The following NR6A1 variants were observed in gnomAD, a reference collection of about 807,000 sequenced individuals.
NR6A1 encodes nuclear receptor subfamily 6 group A member 1.
Under a neutral mutation model 59.1 loss-of-function variants are expected in NR6A1, and 7 were observed. That is an observed-to-expected ratio of 0.12 (90% CI 0.07 to 0.22). The LOEUF is 0.22. Among genes scored for constraint, NR6A1 ranks in the 10% least tolerant of loss-of-function variants. The pLI, the probability that NR6A1 is intolerant of heterozygous loss-of-function variation, is 1.00. For synonymous variants in NR6A1, 243 were observed against 236.1 expected, an observed-to-expected ratio of 1.03 and a Z score of -0.27; for missense variants, 468 against 611.6, an observed-to-expected ratio of 0.77 and a Z score of 2.48.
chr9:124,621,984 C>T (rs115523369), intron 2 of NR6A1, among the ~76,000 whole-genome samples: 2,518 of 152,124 alleles, frequency 0.017, 76 homozygotes, highest in East Asian at 0.15. Context: ...GAGGCCGAGG[C>T]GGGCTGATCT....
intron 2 of NR6A1, among the ~76,000 whole-genome samples, chr9:124,635,183 T>C (rs1220465206): frequency 6.6e-6 from 1 of 152,144 alleles, no homozygotes; most frequent in Non-Finnish European, 1.5e-5. Context: ...TCCCTCCCCA[T>C]TAACCCTTGG....
intron 2 of NR6A1, among the ~76,000 whole-genome samples, chr9:124,725,310 T>G (rs1839681075): frequency 6.6e-6 from 1 of 151,714 alleles, no homozygotes; most frequent in South Asian, 2.1e-4. Context: ...AGTCCAGGAA[T>G]CATAGGAAGG....
chr9:124,766,555 C>G (rs1226889931), intron 1 of NR6A1, among the ~76,000 whole-genome samples: 1 of 152,140 alleles, frequency 6.6e-6, no homozygotes, highest in Non-Finnish European at 1.5e-5. Flanking sequence ...TGAAATAAGG[C>G]ACTTTTACTG....
At chr9:124,695,438 G>T (rs999383993) in intron 2 of NR6A1, among the ~76,000 whole-genome samples, 1 of 152,020 alleles carries the variant, frequency 6.6e-6, no homozygotes. Flanking sequence ...ACAGTGATGC[G>T]ATCTCGGCTC....
chr9:124,767,941 T>C (rs369614243), intron 1 of NR6A1, among the ~76,000 whole-genome samples: 67 of 152,362 alleles, frequency 4.4e-4, no homozygotes, highest in African/African-American at 1.6e-3. Context: ...AAATCATTCA[T>C]CTTCCTTTGA....
intron 6 of NR6A1, among the ~76,000 whole-genome samples, chr9:124,536,768 T>C (rs1833279642): frequency 6.6e-6 from 1 of 152,180 alleles, no homozygotes; most frequent in Admixed American, 6.5e-5. Context: ...GTCACTCCTG[T>C]TCAAGTTCTG....
chr9:124,769,795 C>G (rs1038397612), intron 1 of NR6A1, among the ~76,000 whole-genome samples: 4 of 152,226 alleles, frequency 2.6e-5, no homozygotes, highest in African/African-American at 9.6e-5. Flanking sequence ...CCGGCCGGTG[C>G]GAGCACCCTT....
At chr9:124,541,265 C>A (rs1833433087) in intron 4 of NR6A1, among the ~76,000 whole-genome samples, 1 of 151,826 alleles carries the variant, frequency 6.6e-6, no homozygotes, top group Non-Finnish European at 1.5e-5. Flanking sequence ...CAAGGAACTC[C>A]CATAACTCAG....
chr9:124,740,165 T>A (rs1399255930), intron 1 of NR6A1, among the ~76,000 whole-genome samples: 1 of 152,186 alleles, frequency 6.6e-6, no homozygotes, highest in Non-Finnish European at 1.5e-5. Context: ...TCAATTCCTT[T>A]ACACATGCTA....
At chr9:124,670,335 T>C (rs1259197511) in intron 2 of NR6A1, among the ~76,000 whole-genome samples, 2 of 152,130 alleles carry the variant, frequency 1.3e-5, no homozygotes, top group Non-Finnish European at 2.9e-5. Context: ...GAGGCTGCAG[T>C]GGGCTATCAG....
chr9:124,719,747 C>T (rs988632493), intron 2 of NR6A1, among the ~76,000 whole-genome samples: 10 of 152,124 alleles, frequency 6.6e-5, no homozygotes, highest in Middle Eastern at 3.4e-3. Flanking sequence ...GGTGAAACCC[C>T]ACCTCTACAA....
At chr9:124,728,223 G>A (rs1250819317) in intron 2 of NR6A1, among the ~76,000 whole-genome samples, 7 of 151,728 alleles carry the variant, frequency 4.6e-5, no homozygotes, top group Non-Finnish European at 1.0e-4. Context: ...TAGAGACGGG[G>A]TTTCACTGTG....
intron 3 of NR6A1, among the ~76,000 whole-genome samples, chr9:124,545,211 T>C (rs553634305): frequency 2.5e-4 from 38 of 152,342 alleles, no homozygotes; most frequent in African/African-American, 7.0e-4. Context: ...TTCAGTTTAC[T>C]GAAATGAAAA....
chr9:124,538,257 G>A lies in NR6A1; in HGVS notation c.659C>T (p.Pro220Leu), dbSNP rs771499841. Residue 220 changes from proline to leucine, a missense_variant, in exon 6 of 10, where the codon CCT becomes CTT. By Grantham distance (98) the Pro-to-Leu change is moderately conservative (BLOSUM62 -3). Coordinates refer to ENST00000487099, the MANE Select transcript of NR6A1 (RefSeq NM_033334.4). ...FREQYMGMSV[P>L]PHYQYIPHLF... ...GTGCGGTATATATTGGTAATGTGGA[G>A]GCACAGACATTCCCATGTACTGTTC... is the stretch of plus-strand genomic sequence containing the variant. The A allele has an allele frequency of 1.9e-5, 30 of 1,614,068 alleles. No individual in the cohort carries two copies. The highest frequency in any genetic ancestry group is 2.5e-5 in the Non-Finnish European group (29 of 1,180,050).
At chr9:124,551,917 G>C (rs375685545) in intron 3 of NR6A1, among the ~76,000 whole-genome samples, 10 of 152,206 alleles carry the variant, frequency 6.6e-5, no homozygotes, top group African/African-American at 2.4e-4. Context: ...GCACCAACCA[G>C]GAGGTGGCAG....
intron 2 of NR6A1, among the ~76,000 whole-genome samples, chr9:124,627,165 C>T (rs1000314246): frequency 1.7e-4 from 26 of 152,264 alleles, no homozygotes; most frequent in Non-Finnish European, 2.6e-4. Context: ...GACAATGTTT[C>T]CTATTTCTTA....
Position 124,617,321 on chromosome 9 carries a change from G to A in NR6A1, c.143-62751C>T, listed in dbSNP as rs117005392. On this transcript the variant is annotated intron_variant, in intron 2 of 9. Transcript: ENST00000487099. ...GGCATTTCTTCAATGGCTGCAATTG[G>A]TATATTCTGCCTGGTTTTTGTTTTG... Among the ~76,000 whole-genome samples the A allele has an allele frequency of 2.7e-3, 413 of 152,290 alleles. 1 individual carries two copies. Among genetic ancestry groups the A allele is most frequent in the Non-Finnish European group, 4.3e-3 (290 of 68,032 alleles).
intron 2 of NR6A1, among the ~76,000 whole-genome samples, chr9:124,608,849 G>A (rs1483073935): frequency 1.3e-5 from 2 of 152,208 alleles, no homozygotes; most frequent in African/African-American, 4.8e-5. Flanking sequence ...ACTGGTGTGA[G>A]ATGGTATCTC....
At chr9:124,628,701 C>A (rs997273127) in intron 2 of NR6A1, among the ~76,000 whole-genome samples, 2 of 151,418 alleles carry the variant, frequency 1.3e-5, no homozygotes, top group Non-Finnish European at 2.9e-5. Flanking sequence ...AGTACAATGG[C>A]GTGATCTTGG....
Sources: allele counts gnomAD v4.1 joint callset (sites outside exome capture counted in the v4.1 genomes callset), GRCh38; gene constraint gnomAD v4.1.1; transcripts MANE v1.5; gene names NCBI Gene and HGNC (gene_info 2026-07-23, HGNC 2026-07-21).